The following DNER variants were observed in gnomAD, a reference collection of about 807,000 sequenced individuals.
The protein encoded by DNER is delta/notch like EGF repeat containing, also known as delta and Notch-like epidermal growth factor-related receptor.
A neutral mutation model predicts 78.2 loss-of-function variants in DNER; 33 were observed. The observed-to-expected ratio is 0.42, with a 90% CI of 0.32 to 0.56. The LOEUF (loss-of-function observed/expected upper bound fraction) is 0.56. DNER is among the 20% of genes least tolerant of loss of function. The probability of loss-of-function intolerance (pLI) is 0.11; values close to 1 mark genes in which losing one functional copy is unlikely to be tolerated. For missense variants in DNER, 918 were observed against 975.3 expected (o/e 0.94, Z 0.78); for synonymous variants, 417 against 384.8 (o/e 1.08, Z -0.98).
At chr2:229,620,151 G>A (rs573286192) in intron 1 of DNER, among the ~76,000 whole-genome samples, 38 of 152,208 alleles carry the variant, frequency 2.5e-4, no homozygotes, top group South Asian at 2.1e-4. Flanking sequence ...TGGGTGTCGC[G>A]GAAGAACGGG....
chr2:229,446,030 G>T (rs979021176), intron 8 of DNER, among the ~76,000 whole-genome samples: 1 of 152,174 alleles, frequency 6.6e-6, no homozygotes, highest in Non-Finnish European at 1.5e-5. Flanking sequence ...ATGCCCTTTG[G>T]AAGTTCCAGG....
intron 1 of DNER, among the ~76,000 whole-genome samples, chr2:229,621,113 A>G (rs759596352): frequency 5.3e-5 from 8 of 152,260 alleles, no homozygotes; most frequent in Non-Finnish European, 1.0e-4. Flanking sequence ...CCTTAAGGAC[A>G]TCATTACTAA....
chr2:229,606,673 A>G (rs77606099), intron 1 of DNER, among the ~76,000 whole-genome samples: 6,526 of 152,186 alleles, frequency 0.043, 199 homozygotes, highest in East Asian at 0.14. Flanking sequence ...CAGGAGGATC[A>G]CTGGAGGTCA....
chr2:229,618,566 G>T (rs1698204652), intron 1 of DNER, among the ~76,000 whole-genome samples: 1 of 152,144 alleles, frequency 6.6e-6, no homozygotes, highest in Non-Finnish European at 1.5e-5. Context: ...TGGTGCCCCG[G>T]ACGCACAGCC....
chr2:229,357,897 G>T lies in DNER; in HGVS notation c.*643C>A, dbSNP rs962878142. 6.6e-6 allele frequency: 1 copy of T among 152,642 alleles called. No individual in the cohort carries two copies. The highest frequency in any genetic ancestry group is 6.5e-5 in the Admixed American group (1 of 15,294). The allele number at this position is 152,642 out of a possible 1,614,324, so 9.5% of individuals were successfully genotyped here. A position where few individuals can be genotyped will look rare whatever the true frequency, so the allele number is the denominator to read the frequency against. ...ATTCAAATCAATCAGAATTTGCCTC[G>T]CTAGGCCTTTTCGTTACGTATGTTT... On this transcript the variant is annotated 3_prime_UTR_variant, in exon 13 of 13. Transcript: ENST00000341772.
At chr2:229,409,982 T>C (rs1693474003) in intron 9 of DNER, among the ~76,000 whole-genome samples, 1 of 152,142 alleles carries the variant, frequency 6.6e-6, no homozygotes, top group Non-Finnish European at 1.5e-5. Context: ...CCAAGTTGTA[T>C]CCACTCAAAC....
intron 1 of DNER, among the ~76,000 whole-genome samples, chr2:229,713,870 C>T (rs1221611484): frequency 1.3e-5 from 2 of 152,082 alleles, no homozygotes; most frequent in African/African-American, 2.4e-5. Context: ...CAGTGGCCAA[C>T]CGGAGCGTCT....
rs185590254 is a variant in DNER at position 229,416,306 on chromosome 2, T to C, written c.1609+1802A>G. On this transcript the variant is annotated intron_variant, in intron 9 of 12. Coordinates refer to ENST00000341772, the MANE Select transcript of DNER (RefSeq NM_139072.4). ...CTTTCTTGAGTGTTTAGAGCTGTTG[T>C]TGCAATTTTTGTTTTTATTTCCCAA... Among the ~76,000 whole-genome samples the C allele has an allele frequency of 5.3e-4, 80 of 152,324 alleles. No individual in the cohort carries two copies. The East Asian group carries it at 5.6e-3, about 11-fold the overall frequency.
intron 1 of DNER, among the ~76,000 whole-genome samples, chr2:229,626,319 CA>C (rs1259890536): frequency 9.9e-5 from 15 of 152,172 alleles, no homozygotes; most frequent in African/African-American, 3.6e-4. Flanking sequence ...ATCCGCTGTT[CA>C]AACCATTACA....
intron 7 of DNER, among the ~76,000 whole-genome samples, chr2:229,452,069 G>C (rs771585121): frequency 2.0e-5 from 3 of 152,108 alleles, no homozygotes; most frequent in African/African-American, 7.2e-5. Context: ...GTCACGACTG[G>C]TCTTATATGT....
intron 1 of DNER, among the ~76,000 whole-genome samples, chr2:229,603,736 TG>T (rs72395169): frequency 2.0e-5 from 3 of 152,036 alleles, no homozygotes; most frequent in South Asian, 2.1e-4. Flanking sequence ...GTACATATTT[TG>T]GGGGGGTGCT....
chr2:229,595,209 AT>A (rs1468672752), intron 1 of DNER, among the ~76,000 whole-genome samples: 3 of 151,840 alleles, frequency 2.0e-5, no homozygotes, highest in Non-Finnish European at 4.4e-5. Context: ...TTATTATTCT[AT>A]TTTACAGTTG....
intron 4 of DNER, among the ~76,000 whole-genome samples, chr2:229,553,068 A>G (rs1004472774): frequency 2.0e-5 from 3 of 152,212 alleles, no homozygotes; most frequent in Admixed American, 6.5e-5. Context: ...GAGGGAGAGT[A>G]GATACCCACC....
intron 6 of DNER, among the ~76,000 whole-genome samples, chr2:229,488,992 A>T (rs562973668): frequency 6.6e-6 from 1 of 152,360 alleles, no homozygotes; most frequent in South Asian, 2.1e-4. Flanking sequence ...GGCACATTGA[A>T]TACCGTCACC....
At chr2:229,660,737 T>C (rs1698995091) in intron 1 of DNER, among the ~76,000 whole-genome samples, 1 of 152,200 alleles carries the variant, frequency 6.6e-6, no homozygotes, top group South Asian at 2.1e-4. Flanking sequence ...AGCATAAAGT[T>C]AAAATGCAGT....
intron 11 of DNER, among the ~76,000 whole-genome samples, chr2:229,387,366 A>G (rs1187236455): frequency 6.6e-6 from 1 of 152,038 alleles, no homozygotes; most frequent in Non-Finnish European, 1.5e-5. Flanking sequence ...TAGGAGAAAT[A>G]CGTAATGTAG....
intron 6 of DNER, among the ~76,000 whole-genome samples, chr2:229,508,905 AGAAAAG>A (rs1308389249): frequency 3.8e-5 from 3 of 78,794 alleles, no homozygotes; most frequent in Admixed American, 1.2e-4. Context: ...AGAAAAGAAA[AGAAAAG>A]AAAAGAAAAG....
intron 1 of DNER, among the ~76,000 whole-genome samples, chr2:229,694,430 C>T (rs928322392): frequency 2.0e-5 from 3 of 150,598 alleles, no homozygotes; most frequent in Middle Eastern, 3.4e-3. Flanking sequence ...GCTTGTACCA[C>T]GTGCCTGGAA....
intron 8 of DNER, among the ~76,000 whole-genome samples, chr2:229,441,380 G>A (rs987596282): frequency 6.6e-6 from 1 of 152,140 alleles, no homozygotes; most frequent in Non-Finnish European, 1.5e-5. Flanking sequence ...CACACCTGTA[G>A]TTGAACAAGT....
Sources: allele counts gnomAD v4.1 joint callset (sites outside exome capture counted in the v4.1 genomes callset), GRCh38; gene constraint gnomAD v4.1.1; transcripts MANE v1.5; gene names NCBI Gene and HGNC (gene_info 2026-07-23, HGNC 2026-07-21).